The following MAP2K1 variants were observed in gnomAD, a reference collection of about 807,000 sequenced individuals.
MAP2K1 encodes mitogen-activated protein kinase kinase 1.
A neutral mutation model predicts 46.3 loss-of-function variants in MAP2K1; 16 were observed. The observed-to-expected ratio is 0.35, with a 90% CI of 0.23 to 0.52. MAP2K1 has a LOEUF of 0.52. Among genes scored for constraint, MAP2K1 ranks in the 20% least tolerant of loss-of-function variants. The pLI, the probability that MAP2K1 is intolerant of heterozygous loss-of-function variation, is 0.94. For synonymous variants in MAP2K1, 183 were observed against 185.6 expected (o/e 0.99, Z 0.11); for missense variants, 263 against 497.1 (o/e 0.53, Z 4.48).
intron 1 of MAP2K1, among the ~76,000 whole-genome samples, chr15:66,399,539 C>G (rs924930859): frequency 1.3e-5 from 2 of 151,320 alleles, no homozygotes; most frequent in African/African-American, 4.9e-5. Flanking sequence ...GCAGCCTCAC[C>G]GTCTGGGCTC....
At chr15:66,468,729 A>G (rs577432341) in intron 5 of MAP2K1, among the ~76,000 whole-genome samples, 7 of 149,104 alleles carry the variant, frequency 4.7e-5, no homozygotes, top group African/African-American at 9.9e-5. Context: ...TCAGGAGTTC[A>G]AGACCAGCCT....
rs1567003150 is a variant in MAP2K1 at position 66,420,813 on chromosome 15, ATGTGTATATATATATGTGTATATATATG to A, written c.81-14200_81-14173del. On this transcript the variant is annotated intron_variant, in intron 1 of 10. Coordinates refer to ENST00000307102, the MANE Select transcript of MAP2K1 (RefSeq NM_002755.4). ...TGTGTGTATATATATGTGTATATAT[ATGTGTATATATATATGTGTATATATATG>A]TGTGTATATATATGTGTGTATATAT... Among the ~76,000 whole-genome samples the A allele has an allele frequency of 1.4e-4, 15 of 106,340 alleles. 2 individuals carry two copies. Among genetic ancestry groups the A allele is most frequent in the African/African-American group, 4.1e-4 (13 of 31,612 alleles). The allele number at this position is 106,340 out of a possible 152,430, so 69.8% of individuals were successfully genotyped here.
At chr15:66,433,317 T>G (rs2093479547) in intron 1 of MAP2K1, among the ~76,000 whole-genome samples, 2 of 152,188 alleles carry the variant, frequency 1.3e-5, no homozygotes, top group South Asian at 4.1e-4. Context: ...TATCATAGAC[T>G]AAGTAGCTTA....
intron 3 of MAP2K1, among the ~76,000 whole-genome samples, chr15:66,440,508 T>G (rs1245242370): frequency 6.6e-6 from 1 of 152,212 alleles, no homozygotes; most frequent in Non-Finnish European, 1.5e-5. Flanking sequence ...CACTGCCCAG[T>G]CTGAATTTTG....
chr15:66,437,706 A>C (rs746596779), intron 3 of MAP2K1, among the ~76,000 whole-genome samples: 2 of 152,212 alleles, frequency 1.3e-5, no homozygotes, highest in East Asian at 3.9e-4. Flanking sequence ...AGGATTCTCT[A>C]CTTGTGCCTC....
At chr15:66,467,508 A>C (rs1488713512) in intron 5 of MAP2K1, among the ~76,000 whole-genome samples, 1 of 152,224 alleles carries the variant, frequency 6.6e-6, no homozygotes, top group Non-Finnish European at 1.5e-5. Flanking sequence ...AAATAATTCA[A>C]GACTTAGCTA....
intron 1 of MAP2K1, among the ~76,000 whole-genome samples, chr15:66,431,082 G>A (rs2093473895): frequency 6.6e-6 from 1 of 152,202 alleles, no homozygotes; most frequent in South Asian, 2.1e-4. Context: ...AGAGAGGGCT[G>A]TGTGTGTCAG....
chr15:66,476,470 A>G (rs1233714463), intron 5 of MAP2K1, among the ~76,000 whole-genome samples: 1 of 152,166 alleles, frequency 6.6e-6, no homozygotes, highest in Non-Finnish European at 1.5e-5. Flanking sequence ...CTAGGCATCT[A>G]GGAGTAGAGG....
intron 5 of MAP2K1, among the ~76,000 whole-genome samples, chr15:66,481,019 G>A (rs565341612): frequency 5.9e-5 from 9 of 152,270 alleles, no homozygotes; most frequent in Admixed American, 3.3e-4. Context: ...GACAGTGACC[G>A]GATGGGTGGG....
chr15:66,455,615 G>A (rs538338907), intron 5 of MAP2K1, among the ~76,000 whole-genome samples: 29 of 152,224 alleles, frequency 1.9e-4, no homozygotes, highest in Non-Finnish European at 3.4e-4. Flanking sequence ...TCAGCTGGGT[G>A]AGTATGTCCT....
intron 1 of MAP2K1, among the ~76,000 whole-genome samples, chr15:66,426,119 C>G (rs1038068105): frequency 6.7e-6 from 1 of 148,198 alleles, no homozygotes; most frequent in Non-Finnish European, 1.5e-5. Flanking sequence ...TAGACGGGGC[C>G]TGGGAATACG....
intron 5 of MAP2K1, among the ~76,000 whole-genome samples, chr15:66,467,867 A>G (rs1477235379): frequency 2.6e-5 from 4 of 152,208 alleles, no homozygotes; most frequent in Non-Finnish European, 5.9e-5. Flanking sequence ...GGTGGCTCAC[A>G]AGCAAAGATC....
intron 1 of MAP2K1, among the ~76,000 whole-genome samples, chr15:66,417,378 C>T (rs535031832): frequency 6.6e-6 from 1 of 152,190 alleles, no homozygotes; most frequent in African/African-American, 2.4e-5. Flanking sequence ...TGAGACCAAT[C>T]TGGGCAACAT....
At chr15:66,435,949 G>A (rs2093486938) in intron 2 of MAP2K1, among the ~76,000 whole-genome samples, 2 of 152,160 alleles carry the variant, frequency 1.3e-5, no homozygotes, top group South Asian at 4.1e-4. Flanking sequence ...GCATGTACTT[G>A]TAGAGCTGGA....
intron 1 of MAP2K1, among the ~76,000 whole-genome samples, chr15:66,417,942 C>T (rs990063884): frequency 2.6e-5 from 4 of 152,158 alleles, no homozygotes; most frequent in African/African-American, 9.6e-5. Flanking sequence ...GGGACCCGAC[C>T]GTACTTATGG....
intron 5 of MAP2K1, among the ~76,000 whole-genome samples, chr15:66,467,245 AAAAG>A (rs2140642517): frequency 6.6e-6 from 1 of 152,292 alleles, no homozygotes; most frequent in Non-Finnish European, 1.5e-5. Context: ...AAAAAGAAAA[AAAAG>A]AGAAACCATC....
chr15:66,394,458 A>C (rs1050958350), intron 1 of MAP2K1, among the ~76,000 whole-genome samples: 13 of 131,162 alleles, frequency 9.9e-5, no homozygotes, highest in African/African-American at 3.4e-4. Flanking sequence ...ATAACCAGGA[A>C]CTTTTTTTTT....
At chr15:66,439,325 A>G (rs886581229) in intron 3 of MAP2K1, among the ~76,000 whole-genome samples, 10 of 152,166 alleles carry the variant, frequency 6.6e-5, no homozygotes. Context: ...TATTTTCCCA[A>G]CACTTTATTA....
chr15:66,397,341 T>G (rs1399314653), intron 1 of MAP2K1, among the ~76,000 whole-genome samples: 1 of 152,148 alleles, frequency 6.6e-6, no homozygotes, highest in East Asian at 1.9e-4. Flanking sequence ...GTCATATCAC[T>G]TAACCTCACT....
Sources: allele counts gnomAD v4.1 joint callset (sites outside exome capture counted in the v4.1 genomes callset), GRCh38; gene constraint gnomAD v4.1.1; transcripts MANE v1.5; gene names NCBI Gene and HGNC (gene_info 2026-07-23, HGNC 2026-07-21).